RTTN: variants seen among roughly 807,000 people sequenced by gnomAD.
RTTN encodes rotatin.
Under a neutral mutation model 269.2 loss-of-function variants are expected in RTTN, and 182 were observed. The observed-to-expected ratio is 0.68, with a 90% confidence interval of 0.60 to 0.76. RTTN has a LOEUF of 0.76. Among genes scored for constraint, RTTN ranks in the 30% least tolerant of loss-of-function variants. The pLI, the probability that RTTN is intolerant of heterozygous loss-of-function variation, is 0.00. For synonymous variants in RTTN, 1,006 were observed against 963.5 expected (o/e 1.04, Z -0.82); for missense variants, 2,545 against 2,608.6 (o/e 0.98, Z 0.53).
chr18:70,141,753 A>G (rs1434493128), intron 19 of RTTN, among the ~76,000 whole-genome samples: 5 of 152,174 alleles, frequency 3.3e-5, no homozygotes, highest in African/African-American at 9.7e-5. Flanking sequence ...CATGTACCCT[A>G]GAACTTAAAG....
chr18:70,006,498 T>C lies in RTTN; in HGVS notation c.6422-14A>G, dbSNP rs370225339. On this transcript the variant is annotated splice_polypyrimidine_tract_variant and intron_variant, in intron 46 of 48. Coordinates refer to ENST00000640769, the MANE Select transcript of RTTN (RefSeq NM_173630.4). ...TAATGACTTTTTCTAAAAATGAACA[T>C]ATATTTTTTAAAAGTTCAGTCCCAG... 3.4e-5 allele frequency: 54 copies of C among 1,599,018 alleles called. No individual in the cohort carries two copies. The highest frequency in any genetic ancestry group is 4.3e-5 in the Non-Finnish European group (50 of 1,166,498).
chr18:70,086,481 G>A lies in RTTN; in HGVS notation c.4374+132C>T, dbSNP rs558121104. The A allele has an allele frequency of 2.9e-5, 22 of 770,282 alleles. No individual in the cohort carries two copies. In the East Asian group the frequency reaches 4.3e-4, roughly 15 times the overall value. The allele number at this position is 770,282 out of a possible 1,614,324, so 47.7% of individuals were successfully genotyped here. A position where few individuals can be genotyped will look rare whatever the true frequency, so the allele number is the denominator to read the frequency against. ...TGGTCGGCATAAGAACAAATTCTACGTTCTATTTTAAGAGGCCCTTGCTGT... is the reference window on the plus strand; with the variant it reads ...TGGTCGGCATAAGAACAAATTCTACATTCTATTTTAAGAGGCCCTTGCTGT... On this transcript the variant is annotated intron_variant, in intron 32 of 48. Coordinates refer to ENST00000640769, the MANE Select transcript of RTTN (RefSeq NM_173630.4).
At chr18:70,198,076 ATTC>A (rs2061855646) in intron 5 of RTTN, among the ~76,000 whole-genome samples, 1 of 152,240 alleles carries the variant, frequency 6.6e-6, no homozygotes, top group African/African-American at 2.4e-5. Context: ...AGAGCACACA[ATTC>A]TAGGAAATCT....
intron 37 of RTTN, among the ~76,000 whole-genome samples, chr18:70,054,485 T>G (rs1017945291): frequency 6.6e-6 from 1 of 152,204 alleles, no homozygotes; most frequent in Non-Finnish European, 1.5e-5. Flanking sequence ...CTGTCAACTA[T>G]ACACCAAACA....
intron 11 of RTTN, among the ~76,000 whole-genome samples, chr18:70,169,562 A>G (rs566937707): frequency 2.6e-5 from 4 of 152,318 alleles, no homozygotes; most frequent in Non-Finnish European, 2.9e-5. Flanking sequence ...TGATTTGAAC[A>G]GAAACGAATT....
In RTTN at chr18:70,150,116, A is replaced by C. The variant is rs752701142; in HGVS notation, c.2056-29T>G. ...CTCAACAACACAGACCCGATAAACC[A>C]GTCAAATGAGATGTCCCGCTAGGTC... On this transcript the variant is annotated intron_variant, in intron 15 of 48. Coordinates refer to ENST00000640769, the MANE Select transcript of RTTN (RefSeq NM_173630.4). The C allele has an allele frequency of 8.4e-6, 12 of 1,435,608 alleles. No homozygotes were observed. In the African/African-American group the frequency reaches 1.7e-4, roughly 20 times the overall value. The allele number at this position is 1,435,608 out of a possible 1,614,324, so 88.9% of individuals were successfully genotyped here.
In RTTN at chr18:70,139,633, C is replaced by A. The variant is rs539632845; in HGVS notation, c.2754G>T (p.Ser918=). 1 of 1,612,464 alleles carries A rather than the reference C, an allele frequency of 6.2e-7. No homozygotes were observed. Among genetic ancestry groups the A allele is most frequent in the Admixed American group, 1.7e-5 (1 of 59,972 alleles). ...CGDPVMRVSL[S]QQSSLLTVLF... is the part of the protein sequence containing the mutation. ...ACACGGTCAAAAGAGAAGACTGTTG[C>A]GAGAGCGAAACACGCATGACTGGAT... Residue 918 remains serine, a synonymous_variant, in exon 21 of 49, where the codon TCG becomes TCT. Transcript: ENST00000640769.
intron 4 of RTTN, 50 bp from the exon 5 acceptor site, chr18:70,199,554 A>G (rs529838522): frequency 5.8e-5 from 74 of 1,267,826 alleles, no homozygotes; most frequent in Admixed American, 1.2e-4. Flanking sequence ...AAGAGATGAC[A>G]GATTCACAAT....
chr18:70,150,107 C>A lies in RTTN; in HGVS notation c.2056-20G>T. 6.6e-7 allele frequency: 1 copy of A among 1,515,604 alleles called. No homozygotes were observed. The highest frequency in any genetic ancestry group is 9.2e-7 in the Non-Finnish European group (1 of 1,092,482). 93.9% of individuals were successfully genotyped at this position (1,515,604 alleles called of 1,614,324 possible). ...GTTCACCTGCTCAACAACACAGACC[C>A]GATAAACCAGTCAAATGAGATGTCC... On this transcript the variant is annotated intron_variant, in intron 15 of 48. Coordinates refer to ENST00000640769, the MANE Select transcript of RTTN (RefSeq NM_173630.4).
At chr18:70,045,002 T>TA (rs1365563182) in intron 40 of RTTN, among the ~76,000 whole-genome samples, 2 of 152,170 alleles carry the variant, frequency 1.3e-5, no homozygotes, top group Non-Finnish European at 2.9e-5. Context: ...CTAGGGAAGG[T>TA]AAAATCTCTG....
chr18:70,148,917 G>A lies in RTTN; in HGVS notation c.2293C>T (p.Leu765=). The change falls in exon 17 of 49, where the codon CTA becomes TTA. Residue 765 remains leucine (L), a synonymous_variant. Coordinates refer to ENST00000640769, the MANE Select transcript of RTTN (RefSeq NM_173630.4). ...TGTACTCACGATGGCTTTTTCACTAGCAAAAGTCGCAGCATGGACTTTAAT... is the reference window on the plus strand; with the variant it reads ...TGTACTCACGATGGCTTTTTCACTAACAAAAGTCGCAGCATGGACTTTAAT... ...TRLKSMLRLL[L]VKKPSVRSLA... The A allele has an allele frequency of 6.2e-7, 1 of 1,613,350 alleles. No individual in the cohort carries two copies. Among genetic ancestry groups the A allele is most frequent in the Non-Finnish European group, 8.5e-7 (1 of 1,179,506 alleles).
chr18:70,140,196 TAA>T lies in RTTN; in HGVS notation c.2582-10_2582-9del. On this transcript the variant is annotated splice_polypyrimidine_tract_variant and intron_variant, in intron 19 of 48. Transcript: ENST00000640769. ...CAGCATGCATTTTAATATCTGTAGA[TAA>T]AAAAAGTTACTAAAAGTTAAAGCAC... 1 of 1,497,978 alleles carries T rather than the reference TAA, an allele frequency of 6.7e-7. No individual in the cohort carries two copies. The highest frequency in any genetic ancestry group is 9.3e-7 in the Non-Finnish European group (1 of 1,079,246). The allele number at this position is 1,497,978 out of a possible 1,614,324, so 92.8% of individuals were successfully genotyped here. A position where few individuals can be genotyped will look rare whatever the true frequency, so the allele number is the denominator to read the frequency against.
chr18:70,151,380 T>C (rs984553385), intron 14 of RTTN, among the ~76,000 whole-genome samples: 1 of 151,708 alleles, frequency 6.6e-6, no homozygotes, highest in African/African-American at 2.4e-5. Context: ...GAATAGTATT[T>C]TGTTAGCAGC....
Position 70,109,568 on chromosome 18 carries a change from C to A in RTTN, c.3833G>T (p.Gly1278Val). Residue 1278 changes from glycine (G) to valine (V), a missense_variant, in exon 28 of 49, where the codon GGA becomes GTA. By Grantham distance (109) the Gly-to-Val change is moderately radical (BLOSUM62 -3). Transcript: ENST00000640769. ...RGMANLTAFP[G>V]WSSHSPLTKP... ...TGTGAGAGGAGAGTGTGAGCTCCATCCCGGAAACGCAGTGAGGTTAGCCAT... is the reference window on the plus strand; with the variant it reads ...TGTGAGAGGAGAGTGTGAGCTCCATACCGGAAACGCAGTGAGGTTAGCCAT... 1.9e-6 allele frequency: 3 copies of A among 1,613,944 alleles called. No individual in the cohort carries two copies. Among genetic ancestry groups the A allele is most frequent in the Non-Finnish European group, 2.5e-6 (3 of 1,179,966 alleles).
At chr18:70,018,901 T>C (rs1481924443) in intron 45 of RTTN, among the ~76,000 whole-genome samples, 3 of 145,988 alleles carry the variant, frequency 2.1e-5, no homozygotes, top group East Asian at 2.0e-4. Flanking sequence ...AGGTAGAATA[T>C]GTAGAGATGT....
At chr18:70,040,942 G>A (rs1381150722) in intron 40 of RTTN, among the ~76,000 whole-genome samples, 2 of 152,212 alleles carry the variant, frequency 1.3e-5, no homozygotes, top group African/African-American at 2.4e-5. Flanking sequence ...AATGGGGCCA[G>A]GTGTGGTGGC....
intron 19 of RTTN, among the ~76,000 whole-genome samples, chr18:70,141,825 T>A (rs1417997750): frequency 6.6e-6 from 1 of 152,184 alleles, no homozygotes; most frequent in Non-Finnish European, 1.5e-5. Context: ...TGTACTATTT[T>A]TCTTTTACCT....
chr18:70,127,868 T>TAA (rs1347163083), intron 24 of RTTN, 127 bp from the exon 25 acceptor site: 11 of 858,756 alleles, frequency 1.3e-5, no homozygotes, highest in African/African-American at 1.7e-5. Flanking sequence ...AAGGTTGACT[T>TAA]ACAGCCAGAA....
chr18:70,062,913 T>C (rs779146096), intron 35 of RTTN, among the ~76,000 whole-genome samples: 2 of 152,208 alleles, frequency 1.3e-5, no homozygotes, highest in Non-Finnish European at 1.5e-5. Context: ...TAGTTCTCCA[T>C]TGTTATTTTA....
Sources: allele counts gnomAD v4.1 joint callset (sites outside exome capture counted in the v4.1 genomes callset), GRCh38; gene constraint gnomAD v4.1.1; transcripts MANE v1.5; gene names NCBI Gene and HGNC (gene_info 2026-07-23, HGNC 2026-07-21).